The following STAB2 variants were observed in gnomAD, a reference collection of about 807,000 sequenced individuals.
STAB2 encodes the protein stabilin-2.
Under a neutral mutation model 338.1 loss-of-function variants are expected in STAB2, and 288 were observed. The ratio of observed to expected loss-of-function variants is 0.85; its 90% CI spans 0.77 to 0.94. The LOEUF (loss-of-function observed/expected upper bound fraction) is 0.94. STAB2 is among the 40% of genes least tolerant of loss of function. STAB2 has a pLI of 0.00. For synonymous variants in STAB2, 1,202 were observed against 1,193.3 expected, an observed-to-expected ratio of 1.01 and a Z score of -0.15; for missense variants, 3,141 against 3,210.1, an observed-to-expected ratio of 0.98 and a Z score of 0.52.
chr12:103,675,000 C>G (rs911439562), intron 23 of STAB2, among the ~76,000 whole-genome samples: 1 of 152,126 alleles, frequency 6.6e-6, no homozygotes, highest in Non-Finnish European at 1.5e-5. Context: ...AGAGGACTGT[C>G]GGCATGGGTC....
rs995296937 is a variant in STAB2, at chr12:103,660,183, T to C, written c.1735-148T>C. The C allele has an allele frequency of 3.8e-6, 3 of 791,394 alleles. No individual in the cohort carries two copies. In the African/African-American group the frequency reaches 5.2e-5, roughly 14 times the overall value. 49.0% of individuals were successfully genotyped at this position (791,394 alleles called of 1,614,324 possible). On this transcript the variant is annotated intron_variant, in intron 15 of 68. Coordinates refer to ENST00000388887, the MANE Select transcript of STAB2 (RefSeq NM_017564.10). ...TGGGAATTTGGTGAACGTTAGCTAT[T>C]TGGAGGTGGGGTTTCTCTCACCCTG...
Position 103,747,995 on chromosome 12 carries a change from C to CAA in STAB2, c.6245-950_6245-949dup, listed in dbSNP as rs57369480. Among the ~76,000 whole-genome samples the CAA allele has an allele frequency of 6.4e-3, 619 of 96,614 alleles. 14 individuals carry two copies. The highest frequency in any genetic ancestry group is 0.022 in the African/African-American group (568 of 26,146). The allele number at this position is 96,614 out of a possible 152,430, so 63.4% of individuals were successfully genotyped here. ...GGGCAACAGAACAAGACTCTGTCTC[C>CAA]AAAAAAAAAAAAAAAAAAAGGGAAG... On this transcript the variant is annotated intron_variant, in intron 58 of 68. Transcript: ENST00000388887.
intron 33 of STAB2, among the ~76,000 whole-genome samples, chr12:103,697,906 G>C (rs549310085): frequency 6.6e-6 from 1 of 152,254 alleles, no homozygotes; most frequent in South Asian, 2.1e-4. Flanking sequence ...TGGTGTCTTT[G>C]AGCTTGGATG....
rs772808146 is a variant in STAB2, at chr12:103,699,196, A to G, written c.3683A>G (p.Tyr1228Cys). The G allele has an allele frequency of 3.7e-6, 6 of 1,613,028 alleles. No homozygotes were observed. The highest frequency in any genetic ancestry group is 3.3e-5 in the South Asian group (3 of 90,996). ...CGTGAGACCATGCTGGGTTTCTCCT[A>G]TTTCCTTAGCTTCTTTCTCCATAAT... ...MHRETMLGFSYFLSFFLHNDQ... is the reference protein window; with the variant it reads ...MHRETMLGFSCFLSFFLHNDQ... Residue 1228 changes from tyrosine (Y) to cysteine (C), a missense_variant, in exon 34 of 69, where the codon TAT (tyrosine) becomes TGT (cysteine). Transcript: ENST00000388887.
At chr12:103,723,660 C>T (rs918996029) in intron 44 of STAB2, among the ~76,000 whole-genome samples, 5 of 152,166 alleles carry the variant, frequency 3.3e-5, no homozygotes, top group African/African-American at 1.2e-4. Context: ...ACCGCCAGCC[C>T]GGCAGACCCA....
At chr12:103,698,164 T>C (rs565649943) in intron 33 of STAB2, among the ~76,000 whole-genome samples, 2 of 152,224 alleles carry the variant, frequency 1.3e-5, no homozygotes, top group East Asian at 1.9e-4. Flanking sequence ...GAGCTTCTCA[T>C]TGGCAGACCC....
chr12:103,744,982 C>G (rs1882901845), intron 56 of STAB2, among the ~76,000 whole-genome samples, 191 bp from the exon 57 acceptor site: 1 of 152,158 alleles, frequency 6.6e-6, no homozygotes, highest in Admixed American at 6.5e-5. Context: ...GTAACCTTAT[C>G]GCTTAGCAGT....
chr12:103,708,570 TC>T, intron 39 of STAB2, 34 bp downstream of exon 39: 1 of 1,597,800 alleles, frequency 6.3e-7, no homozygotes, highest in Non-Finnish European at 8.6e-7. Context: ...TATAATCTGC[TC>T]TAAGCTTTGC....
At chr12:103,651,161 G>A (rs1873711195) in intron 11 of STAB2, among the ~76,000 whole-genome samples, 1 of 152,046 alleles carries the variant, frequency 6.6e-6, no homozygotes, top group Non-Finnish European at 1.5e-5. Flanking sequence ...AGTTATATTT[G>A]GTCTAATGTA....
At chr12:103,619,937 C>A (rs560378950) in intron 3 of STAB2, among the ~76,000 whole-genome samples, 9 of 152,276 alleles carry the variant, frequency 5.9e-5, no homozygotes, top group African/African-American at 2.2e-4. Context: ...TCAAAAGCCC[C>A]ATTTAAATAA....
intron 3 of STAB2, among the ~76,000 whole-genome samples, chr12:103,600,280 TATGGGTGGACCCA>T (rs1956935020): frequency 6.6e-6 from 1 of 152,366 alleles, no homozygotes; most frequent in Non-Finnish European, 1.5e-5. Flanking sequence ...TCTGCCTTTC[TATGGGTGGACCCA>T]ATGGGTCACA....
intron 68 of STAB2, among the ~76,000 whole-genome samples, chr12:103,765,086 C>CAAAAAA (rs56002429): frequency 3.0e-5 from 2 of 66,516 alleles, no homozygotes; most frequent in Non-Finnish European, 5.6e-5. Context: ...GACTCTGTCT[C>CAAAAAA]AAAAAAAAAA....
At chr12:103,714,783 T>A (rs996159728) in intron 42 of STAB2, among the ~76,000 whole-genome samples, 1 of 152,224 alleles carries the variant, frequency 6.6e-6, no homozygotes, top group African/African-American at 2.4e-5. Context: ...GTATATTGTA[T>A]TCCCTTTGTT....
chr12:103,635,351 G>A (rs1339412415), intron 6 of STAB2, among the ~76,000 whole-genome samples: 1 of 152,178 alleles, frequency 6.6e-6, no homozygotes, highest in Non-Finnish European at 1.5e-5. Flanking sequence ...AGTGCCAGAA[G>A]GACTGTAGAG....
At chr12:103,692,428 C>T (rs1272814608) in intron 30 of STAB2, among the ~76,000 whole-genome samples, 1 of 152,226 alleles carries the variant, frequency 6.6e-6, no homozygotes, top group Non-Finnish European at 1.5e-5. Context: ...ACAGTTCTGT[C>T]TCCAGGGTCA....
chr12:103,676,784 G>T (rs1876415344), intron 24 of STAB2, among the ~76,000 whole-genome samples: 1 of 152,170 alleles, frequency 6.6e-6, no homozygotes, highest in Non-Finnish European at 1.5e-5. Flanking sequence ...TCTACCCACA[G>T]TGCATTGTCC....
At chr12:103,618,562 A>T (rs1813465093) in intron 3 of STAB2, among the ~76,000 whole-genome samples, 1 of 152,234 alleles carries the variant, frequency 6.6e-6, no homozygotes. Context: ...GCTGTGGCAC[A>T]GGAAAGCTTA....
intron 3 of STAB2, among the ~76,000 whole-genome samples, chr12:103,615,402 T>C (rs1158822572): frequency 6.6e-6 from 1 of 151,930 alleles, no homozygotes. Context: ...CTGAGAAAAA[T>C]TGGTAAAGCT....
intron 58 of STAB2, among the ~76,000 whole-genome samples, chr12:103,747,820 C>T (rs1292458913): frequency 6.6e-6 from 1 of 151,910 alleles, no homozygotes; most frequent in Non-Finnish European, 1.5e-5. Context: ...CATGGTGAAA[C>T]CCCATCTCTA....
Sources: allele counts gnomAD v4.1 joint callset (sites outside exome capture counted in the v4.1 genomes callset), GRCh38; gene constraint gnomAD v4.1.1; transcripts MANE v1.5; gene names NCBI Gene and HGNC (gene_info 2026-07-23, HGNC 2026-07-21).